The following ADGRD1 variants were observed in gnomAD, a reference collection of about 807,000 sequenced individuals.
ADGRD1 encodes the protein G-protein coupled receptor 133.
Under a neutral mutation model 113.4 loss-of-function variants are expected in ADGRD1, and 77 were observed. The ratio of observed to expected loss-of-function variants is 0.68; its 90% CI spans 0.57 to 0.82. The LOEUF (loss-of-function observed/expected upper bound fraction) is 0.82. ADGRD1 is among the 40% of genes least tolerant of loss of function. The pLI is 0.00. For missense variants in ADGRD1, 1,036 were observed against 1,139.1 expected, an observed-to-expected ratio of 0.91 and a Z score of 1.30; for synonymous variants, 474 against 475.0, an observed-to-expected ratio of 1.00 and a Z score of 0.03.
At chr12:131,118,256 C>T in intron 18 of ADGRD1, 129 bp from the exon 19 acceptor site, 1 of 664,846 alleles carries the variant, frequency 1.5e-6, no homozygotes, top group East Asian at 2.7e-5. Context: ...ACAATTAGCA[C>T]ATAGTTCCCC....
At chr12:131,098,376 G>A (rs1036929868) in intron 15 of ADGRD1, among the ~76,000 whole-genome samples, 1 of 152,158 alleles carries the variant, frequency 6.6e-6, no homozygotes, top group Non-Finnish European at 1.5e-5. Flanking sequence ...GGGGAATGGG[G>A]GTTTGAGTCT....
At chr12:131,121,001 C>A in intron 20 of ADGRD1, 88 bp downstream of exon 20, 2 of 1,194,182 alleles carry the variant, frequency 1.7e-6, no homozygotes, top group Non-Finnish European at 2.4e-6. Flanking sequence ...CGGGGGGCTC[C>A]CTGAGGAGCT....
At chr12:130,960,562 A>AT (rs1175205307) in intron 2 of ADGRD1, among the ~76,000 whole-genome samples, 18 of 122,860 alleles carry the variant, frequency 1.5e-4, no homozygotes, top group African/African-American at 4.2e-4. Context: ...TGATTTATTT[A>AT]TTTATTTTTG....
intron 13 of ADGRD1, among the ~76,000 whole-genome samples, chr12:131,016,368 G>A (rs1290057122): frequency 3.3e-5 from 5 of 152,240 alleles, no homozygotes; most frequent in East Asian, 3.8e-4. Flanking sequence ...GTGCTGTGCC[G>A]GAGTCAGTGC....
intron 13 of ADGRD1, among the ~76,000 whole-genome samples, chr12:131,064,581 C>T (rs1405525914): frequency 6.6e-6 from 1 of 152,190 alleles, no homozygotes; most frequent in African/African-American, 2.4e-5. Context: ...TCTTTTGCTT[C>T]ATGGGCCATG....
intron 19 of ADGRD1, among the ~76,000 whole-genome samples, chr12:131,119,300 C>A (rs969779310): frequency 1.3e-5 from 2 of 152,206 alleles, no homozygotes; most frequent in African/African-American, 4.8e-5. Flanking sequence ...GGTGCAGGTT[C>A]CCTGAAGGCG....
At chr12:131,048,259 G>A (rs368882028) in intron 13 of ADGRD1, among the ~76,000 whole-genome samples, 1 of 152,246 alleles carries the variant, frequency 6.6e-6, no homozygotes, top group Non-Finnish European at 1.5e-5. Context: ...ATCCAGCAGC[G>A]GACGGCACGG....
rs185720778 is a variant in ADGRD1, at chr12:131,140,059, G to A, written c.*796G>A. On this transcript the variant is annotated 3_prime_UTR_variant, in exon 25 of 25. Coordinates refer to ENST00000261654, the MANE Select transcript of ADGRD1 (RefSeq NM_198827.5). ...CATCCGCTGTGAGTTTTGCCTCTTT[G>A]GACCCCAATTCGGCCTTAAGATGCC... The A allele has an allele frequency of 7.2e-3, 1,102 of 152,450 alleles. 44 individuals are homozygous for A. The highest frequency in any genetic ancestry group is 5.0e-3 in the East Asian group (26 of 5,176). The allele number at this position is 152,450 out of a possible 1,614,324, so 9.4% of individuals were successfully genotyped here.
intron 7 of ADGRD1, among the ~76,000 whole-genome samples, chr12:130,991,993 C>T (rs749459766): frequency 5.3e-5 from 8 of 151,904 alleles, no homozygotes; most frequent in African/African-American, 7.3e-5. Context: ...TGGTGGTGCA[C>T]GCCTGTAGTC....
chr12:131,034,360 A>G (rs1249154583), intron 13 of ADGRD1, among the ~76,000 whole-genome samples: 1 of 152,198 alleles, frequency 6.6e-6, no homozygotes, highest in Non-Finnish European at 1.5e-5. Flanking sequence ...ACCTTCCCAG[A>G]GTCGCCACTG....
chr12:130,994,641 G>T (rs1303541809), intron 8 of ADGRD1, among the ~76,000 whole-genome samples: 1 of 152,210 alleles, frequency 6.6e-6, no homozygotes, highest in African/African-American at 2.4e-5. Context: ...TTAATTAGAC[G>T]AATGTTGATT....
rs1873433636 is a variant in ADGRD1, at chr12:130,984,809, CT to C, written c.491-2284del. ...CTCTTTTCCTTCTTTCCCTCCCTCC[CT>C]TCCTCCCTCCCTTCCTTCCTTCCTT... On this transcript the variant is annotated intron_variant, in intron 5 of 24. Coordinates refer to ENST00000261654, the MANE Select transcript of ADGRD1 (RefSeq NM_198827.5). This position sits in a 1 kb window ranked among gnomAD's most constrained non-coding sequence, Gnocchi z 4.1. Among the ~76,000 whole-genome samples the C allele has an allele frequency of 6.9e-6, 1 of 143,920 alleles. No individual in the cohort carries two copies. The highest frequency in any genetic ancestry group is 1.6e-5 in the Non-Finnish European group (1 of 63,290). 94.4% of individuals were successfully genotyped at this position (143,920 alleles called of 152,430 possible).
chr12:130,954,979 C>CTT lies in ADGRD1; in HGVS notation c.103+325_103+326dup, dbSNP rs145367340. Among the ~76,000 whole-genome samples, 25 of 151,650 alleles carry CTT rather than the reference C, an allele frequency of 1.6e-4. No individual in the cohort carries two copies. Among genetic ancestry groups the CTT allele is most frequent in the African/African-American group, 6.1e-4 (25 of 41,152 alleles). On this transcript the variant is annotated intron_variant, in intron 2 of 24. Transcript: ENST00000261654. The surrounding 1 kb of genome is among the most constrained non-coding windows in gnomAD (Gnocchi z 4.7). ...TCTTTCTCTCTTTCTTCCTTTCTTC[C>CTT]TTTTTTTCTTTTTGAGATGGAGTCT...
At position 131,113,134 on chromosome 12, in the gene ADGRD1, G is replaced by T. The variant is rs1439134377; in HGVS notation, c.2041+4257G>T. 1.3e-5 allele frequency among the ~76,000 whole-genome samples: 2 copies of T among 152,182 alleles called. No individual in the cohort carries two copies. The highest frequency in any genetic ancestry group is 2.9e-5 in the Non-Finnish European group (2 of 68,034). On this transcript the variant is annotated intron_variant, in intron 18 of 24. Transcript: ENST00000261654. The surrounding 1 kb of genome is among the most constrained non-coding windows in gnomAD (Gnocchi z 4.9). ...TCACACCAAGCTGGGCAGGGAAGCAGGTTTTGGCTGAAGTGCCACAGACTC... is the reference window on the plus strand; with the variant it reads ...TCACACCAAGCTGGGCAGGGAAGCATGTTTTGGCTGAAGTGCCACAGACTC...
intron 2 of ADGRD1, chr12:130,962,341 C>T (rs991167948): frequency 5.9e-5 from 9 of 152,386 alleles, no homozygotes; most frequent in African/African-American, 2.2e-4. Flanking sequence ...TTTACTCTGT[C>T]AGCCTTTCTG....
rs1873349789 is a variant in ADGRD1, at chr12:130,984,163, G to A, written c.490+2100G>A. Among the ~76,000 whole-genome samples the A allele has an allele frequency of 6.6e-6, 1 of 152,202 alleles. No individual in the cohort carries two copies. The highest frequency in any genetic ancestry group is 2.4e-5 in the African/African-American group (1 of 41,446). On this transcript the variant is annotated intron_variant, in intron 5 of 24. Coordinates refer to ENST00000261654, the MANE Select transcript of ADGRD1 (RefSeq NM_198827.5). The surrounding 1 kb of genome is among the most constrained non-coding windows in gnomAD (Gnocchi z 4.1). ...CCTATATTGTGATTGCCTAGGCCAA[G>A]TTTGTAAGAAAAATATTTGGAATGA...
intron 15 of ADGRD1, among the ~76,000 whole-genome samples, chr12:131,097,247 G>A (rs1221711897): frequency 6.6e-6 from 1 of 152,186 alleles, no homozygotes; most frequent in Non-Finnish European, 1.5e-5. Flanking sequence ...AGCCCCCAGG[G>A]TTCCTGGTCT....
At position 131,041,034 on chromosome 12, in the gene ADGRD1, T is replaced by C. The variant is rs1033142646; in HGVS notation, c.1473+26694T>C. On this transcript the variant is annotated intron_variant, in intron 13 of 24. Coordinates refer to ENST00000261654, the MANE Select transcript of ADGRD1 (RefSeq NM_198827.5). The surrounding 1 kb of genome is among the most constrained non-coding windows in gnomAD (Gnocchi z 4.4). The stretch of plus-strand genomic sequence containing the variant: ...CCCGGAGTTTGCCATCATCCCCACC[T>C]GGATGGTCCCTGGGGACATCTGAGT... 2.6e-5 allele frequency among the ~76,000 whole-genome samples: 4 copies of C among 152,218 alleles called. No individual in the cohort carries two copies. The highest frequency in any genetic ancestry group is 5.9e-5 in the Non-Finnish European group (4 of 68,038).
intron 5 of ADGRD1, chr12:130,986,733 C>T (rs901164598): frequency 8.5e-6 from 2 of 234,636 alleles, no homozygotes; most frequent in African/African-American, 4.4e-5. Flanking sequence ...TCGCTCCTGA[C>T]CATTTTTTCT....
Sources: allele counts gnomAD v4.1 joint callset (sites outside exome capture counted in the v4.1 genomes callset), GRCh38; gene constraint gnomAD v4.1.1; non-coding constraint Gnocchi (gnomAD v3.1); transcripts MANE v1.5; gene names NCBI Gene and HGNC (gene_info 2026-07-23, HGNC 2026-07-21).